Variants in PHF20L1 observed in about 807,000 individuals in gnomAD.
PHF20L1 encodes the protein PHD finger protein 20-like protein 1.
A neutral mutation model predicts 125.5 loss-of-function variants in PHF20L1; 44 were observed. The observed-to-expected ratio is 0.35, with a 90% CI of 0.28 to 0.45. The LOEUF is 0.45. Among genes scored for constraint, PHF20L1 ranks in the 20% least tolerant of loss-of-function variants. The pLI, the probability that PHF20L1 is intolerant of heterozygous loss-of-function variation, is 1.00. For missense variants in PHF20L1, 1,012 were observed against 1,217.2 expected, an observed-to-expected ratio of 0.83 and a Z score of 2.51; for synonymous variants, 380 against 403.1, an observed-to-expected ratio of 0.94 and a Z score of 0.69.
At chr8:132,834,072 CAGTT>C (rs928005581) in intron 15 of PHF20L1, among the ~76,000 whole-genome samples, 7 of 152,028 alleles carry the variant, frequency 4.6e-5, no homozygotes, top group Non-Finnish European at 7.4e-5. Context: ...TGTGGCCACT[CAGTT>C]GGAGCCATTG....
chr8:132,785,747 TGAAG>T, intron 2 of PHF20L1, among the ~76,000 whole-genome samples: 1 of 152,234 alleles, frequency 6.6e-6, no homozygotes, highest in Middle Eastern at 3.4e-3. Flanking sequence ...GCAGTAAAGT[TGAAG>T]GAAGAGTATA....
intron 2 of PHF20L1, among the ~76,000 whole-genome samples, chr8:132,783,799 A>G (rs1830702402): frequency 6.6e-6 from 1 of 152,216 alleles, no homozygotes; most frequent in African/African-American, 2.4e-5. Flanking sequence ...AGTTGTATGT[A>G]TACATCAAAA....
intron 2 of PHF20L1, among the ~76,000 whole-genome samples, chr8:132,781,998 A>G (rs1013263687): frequency 2.0e-5 from 3 of 152,226 alleles, no homozygotes; most frequent in African/African-American, 7.2e-5. Context: ...TTTTTCAATC[A>G]TCTGCATAAA....
chr8:132,787,613 TAATC>T (rs1305307573), intron 2 of PHF20L1, among the ~76,000 whole-genome samples: 3 of 152,186 alleles, frequency 2.0e-5, no homozygotes, highest in Admixed American at 2.0e-4. Flanking sequence ...GAGTTTGAAT[TAATC>T]AAGAGTTTTG....
chr8:132,827,219 A>G (rs888122023), intron 14 of PHF20L1, among the ~76,000 whole-genome samples: 4 of 151,804 alleles, frequency 2.6e-5, no homozygotes, highest in Non-Finnish European at 5.9e-5. Flanking sequence ...ATGTAGAGGT[A>G]GGAAACTCCG....
chr8:132,803,855 G>T lies in PHF20L1; in HGVS notation c.544G>T (p.Ala182Ser), dbSNP rs1833377234. The change falls in exon 7 of 21, where the codon GCA becomes TCA. Residue 182 changes from alanine to serine, a missense_variant. Physicochemically the swap from Ala to Ser is moderately conservative, Grantham distance 99. Around this residue, in one of 7 missense-constraint regions of PHF20L1, gnomAD observed 134 missense variants for 145.9 expected, o/e 0.92. Transcript: ENST00000395386. ...IALVKAAAAA[A>S]AKNKTGSKPR... ...TTTAGTCAAAGCAGCTGCTGCAGCT[G>T]CAGCCAAGAACAAAACAGGGAGTAA... The T allele has an allele frequency of 3.7e-6, 6 of 1,608,358 alleles. No individual in the cohort carries two copies. The highest frequency in any genetic ancestry group is 5.1e-6 in the Non-Finnish European group (6 of 1,176,350).
In PHF20L1 at chr8:132,842,840, C is replaced by G. The variant is rs1489639294; in HGVS notation, c.2713C>G (p.Gln905Glu). ...CCACATGAGAAGTAAAAACAGTTTA[C>G]AGTACTCAGCAAAAGAACATGGAAT... ...EFHMRSKNSL[Q>E]YSAKEHGMPE... The change falls in exon 19 of 21, where the codon CAG (glutamine) becomes GAG (glutamate). Residue 905 changes from glutamine (Q) to glutamate (E), a missense_variant. Gln to Glu is a conservative substitution (Grantham distance 29). This residue lies in a region of PHF20L1 where 277 missense variants were observed against 283.6 expected (regional missense o/e 0.98). Coordinates refer to ENST00000395386, the MANE Select transcript of PHF20L1 (RefSeq NM_016018.5). 6.2e-7 allele frequency: 1 copy of G among 1,611,066 alleles called. No homozygotes were observed. Among genetic ancestry groups the G allele is most frequent in the South Asian group, 1.1e-5 (1 of 90,612 alleles).
At chr8:132,788,851 A>G (rs1006159990) in intron 2 of PHF20L1, 1 of 152,102 alleles carries the variant, frequency 6.6e-6, no homozygotes, top group Non-Finnish European at 1.5e-5. Context: ...CTTGTCTTTC[A>G]AAAGTTTTTG....
chr8:132,837,050 T>G (rs1401058073), intron 16 of PHF20L1, among the ~76,000 whole-genome samples: 4 of 152,106 alleles, frequency 2.6e-5, no homozygotes, highest in African/African-American at 9.7e-5. Flanking sequence ...TTCATGTGAA[T>G]TATTATAATA....
chr8:132,843,603 C>T (rs1838151158), intron 19 of PHF20L1: 21 of 774,286 alleles, frequency 2.7e-5, no homozygotes, highest in African/African-American at 6.7e-5. Flanking sequence ...TCCAAACGCA[C>T]ATTGTGTGTG....
rs549849494 is a variant in PHF20L1 at position 132,848,238 on chromosome 8, A to T, written c.*2315A>T. 11 of 152,330 alleles carry T rather than the reference A, an allele frequency of 7.2e-5. No homozygotes were observed. Among genetic ancestry groups the T allele is most frequent in the African/African-American group, 2.6e-4 (11 of 41,560 alleles). The allele number at this position is 152,330 out of a possible 1,614,324, so 9.4% of individuals were successfully genotyped here. A position where few individuals can be genotyped will look rare whatever the true frequency, so the allele number is the denominator to read the frequency against. On this transcript the variant is annotated 3_prime_UTR_variant, in exon 21 of 21. Coordinates refer to ENST00000395386, the MANE Select transcript of PHF20L1 (RefSeq NM_016018.5). Reference sequence around the variant, plus strand: ...TGAAATTTTTGCTCTGCTTATATGTATACGAACTGGAAATCTGAATTTTTA... The same window carrying T: ...TGAAATTTTTGCTCTGCTTATATGTTTACGAACTGGAAATCTGAATTTTTA...
At chr8:132,819,211 G>A (rs371540255) in intron 12 of PHF20L1, among the ~76,000 whole-genome samples, 2 of 151,860 alleles carry the variant, frequency 1.3e-5, no homozygotes, top group East Asian at 1.9e-4. Context: ...AAGTAAGATC[G>A]TTTTCTGGGA....
chr8:132,820,323 A>G (rs1835440575), intron 12 of PHF20L1, among the ~76,000 whole-genome samples: 1 of 151,794 alleles, frequency 6.6e-6, no homozygotes, highest in South Asian at 2.1e-4. Context: ...CTTTTGAAAA[A>G]TACTCTTGGT....
chr8:132,836,080 G>A (rs920128855), intron 15 of PHF20L1, among the ~76,000 whole-genome samples: 1 of 152,018 alleles, frequency 6.6e-6, no homozygotes, highest in African/African-American at 2.4e-5. Flanking sequence ...TCAGTGGTGT[G>A]CTAGAGCCAG....
chr8:132,839,855 T>TA (rs1451219518), intron 18 of PHF20L1, among the ~76,000 whole-genome samples: 3 of 152,168 alleles, frequency 2.0e-5, no homozygotes, highest in Non-Finnish European at 4.4e-5. Context: ...TTTGTATGCT[T>TA]ACCGTATGTG....
chr8:132,806,902 G>A (rs1013789793), intron 8 of PHF20L1: 3 of 151,838 alleles, frequency 2.0e-5, no homozygotes, highest in East Asian at 1.9e-4. Context: ...ACTTAAATAC[G>A]TGGACCAGCT....
chr8:132,785,903 G>T (rs946412137), intron 2 of PHF20L1, among the ~76,000 whole-genome samples: 1 of 152,146 alleles, frequency 6.6e-6, no homozygotes, highest in East Asian at 1.9e-4. Flanking sequence ...ATGAAATGGT[G>T]TATCTACAAG....
At chr8:132,786,525 C>T (rs1831048991) in intron 2 of PHF20L1, among the ~76,000 whole-genome samples, 1 of 152,002 alleles carries the variant, frequency 6.6e-6, no homozygotes. Context: ...TTTAATACAT[C>T]TTTGGTAAGA....
At chr8:132,842,910 A>G (rs1343427067) in intron 19 of PHF20L1, 35 bp downstream of exon 19, 4 of 1,558,746 alleles carry the variant, frequency 2.6e-6, no homozygotes, top group Non-Finnish European at 2.6e-6. Context: ...CTTGGAAACT[A>G]TGAGAGAAGA....
Sources: allele counts gnomAD v4.1 joint callset (sites outside exome capture counted in the v4.1 genomes callset), GRCh38; gene constraint gnomAD v4.1.1; regional missense constraint gnomAD v4.1.1; transcripts MANE v1.5; gene names NCBI Gene and HGNC (gene_info 2026-07-23, HGNC 2026-07-21).